VSIR: variants seen among roughly 807,000 people sequenced by gnomAD.
VSIR encodes the protein V-set immunoregulatory receptor.
In VSIR, 10 loss-of-function variants were observed where a neutral mutation model predicts 31.0. The ratio of observed to expected loss-of-function variants is 0.32; its 90% CI spans 0.20 to 0.55. VSIR has a LOEUF of 0.55. VSIR is among the 20% of genes least tolerant of loss of function. The pLI is 0.93. For missense variants in VSIR, 356 were observed against 416.2 expected (o/e 0.86, Z 1.26); for synonymous variants, 179 against 180.1 (o/e 0.99, Z 0.05).
chr10:71,760,277 G>C, intron 3 of VSIR, among the ~76,000 whole-genome samples: 1 of 83,868 alleles, frequency 1.2e-5, no homozygotes, highest in Non-Finnish European at 2.7e-5. Context: ...ACATATATAT[G>C]TATGTATATA....
At chr10:71,759,892 CACACACATATAT>C (rs1564779277) in intron 3 of VSIR, among the ~76,000 whole-genome samples, 2 of 48,106 alleles carry the variant, frequency 4.2e-5, no homozygotes, top group African/African-American at 1.1e-4. Context: ...CACATATACA[CACACACATATAT>C]ACACACACAC....
intron 1 of VSIR, among the ~76,000 whole-genome samples, chr10:71,762,838 A>G (rs1171963047): frequency 6.6e-6 from 1 of 152,238 alleles, no homozygotes; most frequent in Non-Finnish European, 1.5e-5. Context: ...CTTCCAGCCA[A>G]ACTTAGAAAA....
At chr10:71,771,330 C>T (rs1206296297) in intron 1 of VSIR, among the ~76,000 whole-genome samples, 1 of 152,216 alleles carries the variant, frequency 6.6e-6, no homozygotes, top group African/African-American at 2.4e-5. Context: ...CTACCATTCT[C>T]CTCAGTGCTG....
In VSIR at chr10:71,751,140, G is replaced by T; in HGVS notation, c.*113C>A. On this transcript the variant is annotated 3_prime_UTR_variant, in exon 7 of 7. Transcript: ENST00000394957. The surrounding 1 kb of genome is among the most constrained non-coding windows in gnomAD (Gnocchi z 4.9). ...GGATGTCACAGTATCTGAGCCCAGA[G>T]CAGGAGGGAGGGAACCAGGGCCGAG... 1 of 1,265,532 alleles carries T rather than the reference G, an allele frequency of 7.9e-7. No homozygotes were observed. Among genetic ancestry groups the T allele is most frequent in the African/African-American group, 1.5e-5 (1 of 66,664 alleles). The allele number at this position is 1,265,532 out of a possible 1,614,324, so 78.4% of individuals were successfully genotyped here. A position where few individuals can be genotyped will look rare whatever the true frequency, so the allele number is the denominator to read the frequency against.
At position 71,749,184 on chromosome 10, in the gene VSIR, G is replaced by T. The variant is rs577240197; in HGVS notation, c.*2069C>A. On this transcript the variant is annotated 3_prime_UTR_variant, in exon 7 of 7. Coordinates refer to ENST00000394957, the MANE Select transcript of VSIR (RefSeq NM_022153.2). ...GCAGGGCATGCTCTTCCTGAGTTGG[G>T]AGAACCGGAATCTGGGCTGTGGGCT... 6.6e-6 allele frequency: 1 copy of T among 152,442 alleles called. No homozygotes were observed. The highest frequency in any genetic ancestry group is 2.4e-5 in the African/African-American group (1 of 41,596). The allele number at this position is 152,442 out of a possible 1,614,324, so 9.4% of individuals were successfully genotyped here.
At position 71,749,412 on chromosome 10, in the gene VSIR, T is replaced by C. The variant is rs1407250892; in HGVS notation, c.*1841A>G. On this transcript the variant is annotated 3_prime_UTR_variant, in exon 7 of 7. Coordinates refer to ENST00000394957, the MANE Select transcript of VSIR (RefSeq NM_022153.2). ...GCCTTGAACACCTGGGCTTAAGCGG[T>C]CCTTCCACCTCAGCCCTGCAAAGTG... The C allele has an allele frequency of 6.6e-6, 1 of 152,250 alleles. No individual in the cohort carries two copies. Among genetic ancestry groups the C allele is most frequent in the African/African-American group, 2.4e-5 (1 of 41,430 alleles). 9.4% of individuals were successfully genotyped at this position (152,250 alleles called of 1,614,324 possible).
chr10:71,751,233 C>T lies in VSIR; in HGVS notation c.*20G>A. 6.2e-7 allele frequency: 1 copy of T among 1,603,494 alleles called. No individual in the cohort carries two copies. Among genetic ancestry groups the T allele is most frequent in the Non-Finnish European group, 8.5e-7 (1 of 1,174,242 alleles). On this transcript the variant is annotated 3_prime_UTR_variant, in exon 7 of 7. Coordinates refer to ENST00000394957, the MANE Select transcript of VSIR (RefSeq NM_022153.2). This position sits in a 1 kb window ranked among gnomAD's most constrained non-coding sequence, Gnocchi z 4.9. ...CCTGCCCCAGACCCAGCCACAACAG[C>T]CCACTGTCCCCCAGCTGGGCTAGAT...
intron 1 of VSIR, among the ~76,000 whole-genome samples, chr10:71,770,448 TGG>T (rs1840660778): frequency 7.8e-5 from 2 of 25,614 alleles, no homozygotes; most frequent in African/African-American, 1.9e-4. Flanking sequence ...ACGGAAGCCC[TGG>T]CATGCATGTC....
At chr10:71,762,055 C>A in intron 1 of VSIR, 29 bp from the exon 2 acceptor site, 1 of 1,563,342 alleles carries the variant, frequency 6.4e-7, no homozygotes, top group Non-Finnish European at 8.7e-7. Flanking sequence ...GCCCTGTCAC[C>A]TGACTGATCC....
At chr10:71,757,754 AGG>A (rs1840188241) in intron 3 of VSIR, 1 of 152,536 alleles carries the variant, frequency 6.6e-6, no homozygotes, top group Non-Finnish European at 1.5e-5. Flanking sequence ...TATATGGAGG[AGG>A]GAGTTCGGCT....
Position 71,750,906 on chromosome 10 carries a change from C to T in VSIR, c.*347G>A. ...TGTCCATCTTGTCCCACTGATGCTG[C>T]CACATCCCAAGGCTCATGTCTCAGA... On this transcript the variant is annotated 3_prime_UTR_variant, in exon 7 of 7. Transcript: ENST00000394957. 1 of 231,080 alleles carries T rather than the reference C, an allele frequency of 4.3e-6. No individual in the cohort carries two copies. The highest frequency in any genetic ancestry group is 8.4e-6 in the Non-Finnish European group (1 of 118,888). 14.3% of individuals were successfully genotyped at this position (231,080 alleles called of 1,614,324 possible).
chr10:71,770,240 G>A (rs564114007), intron 1 of VSIR, among the ~76,000 whole-genome samples: 1 of 152,372 alleles, frequency 6.6e-6, no homozygotes, highest in Admixed American at 6.5e-5. Context: ...GCCGGGTGCT[G>A]TGTTAAGTGT....
intron 5 of VSIR, 161 bp from the exon 6 acceptor site, chr10:71,752,022 G>T: frequency 1.2e-6 from 1 of 836,738 alleles, no homozygotes; most frequent in Non-Finnish European, 2.0e-6. Flanking sequence ...GGCCCACAGA[G>T]CAAAGGCCAT....
In VSIR at chr10:71,761,102, C is replaced by T. The variant is rs188723368; in HGVS notation, c.512-178G>A. ...CCACACACACCCTGGCATGTTCTCA[C>T]CCTGCCCATTTTCATGCCACTCCCA... On this transcript the variant is annotated intron_variant, in intron 2 of 6. Coordinates refer to ENST00000394957, the MANE Select transcript of VSIR (RefSeq NM_022153.2). Among the ~76,000 whole-genome samples, 171 of 152,250 alleles carry T rather than the reference C, an allele frequency of 1.1e-3. 1 individual carries two copies. The highest frequency in any genetic ancestry group is 6.8e-3 in the Middle Eastern group (2 of 294).
intron 4 of VSIR, among the ~76,000 whole-genome samples, chr10:71,754,599 A>C (rs1840086134): frequency 6.6e-6 from 1 of 152,118 alleles, no homozygotes; most frequent in Non-Finnish European, 1.5e-5. Flanking sequence ...GAGGTGAAAG[A>C]TGTTTGTGCC....
intron 1 of VSIR, among the ~76,000 whole-genome samples, chr10:71,771,053 A>C (rs1021694832): frequency 2.6e-5 from 4 of 152,224 alleles, no homozygotes; most frequent in African/African-American, 9.6e-5. Flanking sequence ...ATGAAGGAGA[A>C]GATGGGGTCT....
At chr10:71,754,542 G>T (rs1840085038) in intron 4 of VSIR, among the ~76,000 whole-genome samples, 2 of 152,154 alleles carry the variant, frequency 1.3e-5, no homozygotes, top group Admixed American at 1.3e-4. Flanking sequence ...AGACTCAAGG[G>T]CAGGGTCAGG....
chr10:71,751,872 A>T lies in VSIR; in HGVS notation c.705-11T>A, dbSNP rs746051994. The T allele has an allele frequency of 6.5e-7, 1 of 1,539,502 alleles. No homozygotes were observed. The highest frequency in any genetic ancestry group is 2.3e-5 in the East Asian group (1 of 43,464). On this transcript the variant is annotated splice_polypyrimidine_tract_variant and intron_variant, in intron 5 of 6. Transcript: ENST00000394957. The surrounding 1 kb of genome is among the most constrained non-coding windows in gnomAD (Gnocchi z 4.9). ...ATCCCTTGAATGTTGCTGCCACAGA[A>T]CCAGAATGGAAGGTCATCTGTGCTG...
chr10:71,760,349 C>G (rs1441162239), intron 3 of VSIR: 3 of 147,518 alleles, frequency 2.0e-5, no homozygotes, highest in Non-Finnish European at 4.5e-5. Flanking sequence ...GATAATAATA[C>G]TTAAAAAGAC....
Sources: gnomAD v4.1 joint callset for allele counts (sites outside exome capture counted in the v4.1 genomes callset) on GRCh38, gnomAD v4.1.1 for gene constraint, Gnocchi (gnomAD v3.1) non-coding constraint, MANE v1.5 for transcripts, NCBI Gene and HGNC (gene_info 2026-07-23, HGNC 2026-07-21) for gene names.